SGCZ: variants seen among roughly 807,000 people sequenced by gnomAD.
SGCZ encodes the protein zeta-sarcoglycan.
SGCZ carries 40 observed loss-of-function variants against 41.3 expected under a neutral mutation model. The ratio of observed to expected loss-of-function variants is 0.97; its 90% CI spans 0.75 to 1.26. SGCZ has a LOEUF of 1.26. Ranked by LOEUF, SGCZ falls within the 50% of genes most tolerant of loss-of-function variation. SGCZ has a pLI of 0.00. For synonymous variants in SGCZ, 206 were observed against 137.5 expected, an observed-to-expected ratio of 1.50 and a Z score of -3.49; for missense variants, 552 against 369.8, an observed-to-expected ratio of 1.49 and a Z score of -4.04.
chr8:14,322,823 G>C (rs1801970999), intron 3 of SGCZ, among the ~76,000 whole-genome samples: 1 of 152,162 alleles, frequency 6.6e-6, no homozygotes, highest in Middle Eastern at 3.4e-3. Context: ...CAAACACAAG[G>C]ACTCAGTAAA....
At chr8:14,576,424 A>G (rs987092456) in intron 1 of SGCZ, among the ~76,000 whole-genome samples, 1 of 152,258 alleles carries the variant, frequency 6.6e-6, no homozygotes, top group Non-Finnish European at 1.5e-5. Context: ...AAGAGGAGCC[A>G]TATAGTATAA....
At chr8:14,401,221 A>G (rs1007051066) in intron 2 of SGCZ, among the ~76,000 whole-genome samples, 2 of 152,174 alleles carry the variant, frequency 1.3e-5, no homozygotes, top group African/African-American at 4.8e-5. Context: ...AATAAAACAC[A>G]TAGGTCATAA....
At chr8:14,191,041 G>C (rs1805086187) in intron 4 of SGCZ, among the ~76,000 whole-genome samples, 1 of 152,092 alleles carries the variant, frequency 6.6e-6, no homozygotes, top group Non-Finnish European at 1.5e-5. Context: ...TAGCCATCCT[G>C]ACAGGTATGA....
At chr8:14,786,953 C>T (rs556678997) in intron 1 of SGCZ, among the ~76,000 whole-genome samples, 1 of 151,908 alleles carries the variant, frequency 6.6e-6, no homozygotes, top group African/African-American at 2.4e-5. Context: ...AATAGATGTA[C>T]CTGGATACCT....
chr8:14,697,420 T>G (rs143299904), intron 1 of SGCZ, among the ~76,000 whole-genome samples: 1 of 152,098 alleles, frequency 6.6e-6, no homozygotes, highest in African/African-American at 2.4e-5. Flanking sequence ...TCTAATATAC[T>G]GCTTATCTTT....
At chr8:14,791,575 C>A (rs1241033698) in intron 1 of SGCZ, among the ~76,000 whole-genome samples, 5 of 152,172 alleles carry the variant, frequency 3.3e-5, no homozygotes, top group African/African-American at 1.2e-4. Context: ...TCATCAGTCA[C>A]CCACTCCCAA....
rs148272254 is a variant in SGCZ, at chr8:14,634,855, A to G, written c.40-79929T>C. ...CTGAAAACTGACATCTGTGAATATC[A>G]CATTTTTTGAGAGTTATGTATAGAG... On this transcript the variant is annotated intron_variant, in intron 1 of 7. Coordinates refer to ENST00000382080, the MANE Select transcript of SGCZ (RefSeq NM_139167.4). Among the ~76,000 whole-genome samples the G allele has an allele frequency of 8.8e-3, 1,338 of 152,014 alleles. 19 individuals are homozygous for G. The highest frequency in any genetic ancestry group is 0.031 in the African/African-American group (1,268 of 41,542).
At chr8:15,200,662 C>A (rs1800861846) in intron 1 of SGCZ, among the ~76,000 whole-genome samples, 1 of 152,114 alleles carries the variant, frequency 6.6e-6, no homozygotes, top group Non-Finnish European at 1.5e-5. Flanking sequence ...TTAGTGAGAG[C>A]CAGCCTGGGT....
chr8:14,174,797 G>C (rs1403534123), intron 4 of SGCZ, among the ~76,000 whole-genome samples: 2 of 151,980 alleles, frequency 1.3e-5, no homozygotes, highest in Non-Finnish European at 1.5e-5. Context: ...TCACAATTCT[G>C]GAGGCTAGAA....
intron 2 of SGCZ, among the ~76,000 whole-genome samples, chr8:14,354,661 G>C (rs1421517100): frequency 2.0e-5 from 3 of 151,590 alleles, no homozygotes; most frequent in African/African-American, 7.3e-5. Flanking sequence ...TATAGGCATT[G>C]TTGTTAAATA....
intron 4 of SGCZ, among the ~76,000 whole-genome samples, chr8:14,213,336 C>G (rs1247909317): frequency 1.3e-5 from 2 of 151,994 alleles, no homozygotes; most frequent in Non-Finnish European, 2.9e-5. Context: ...AGGGGAACAA[C>G]AATTTGTATG....
chr8:15,110,467 A>G (rs889060348), intron 1 of SGCZ, among the ~76,000 whole-genome samples: 4 of 152,232 alleles, frequency 2.6e-5, no homozygotes, highest in African/African-American at 9.6e-5. Flanking sequence ...GTTTCTAGCA[A>G]GATAGCCAGA....
At chr8:14,358,368 G>A (rs1803371019) in intron 2 of SGCZ, among the ~76,000 whole-genome samples, 1 of 152,050 alleles carries the variant, frequency 6.6e-6, no homozygotes, top group South Asian at 2.1e-4. Flanking sequence ...TACAACCTAT[G>A]TCATCATTAT....
chr8:14,644,506 A>C (rs147551676), intron 1 of SGCZ, among the ~76,000 whole-genome samples: 1 of 151,946 alleles, frequency 6.6e-6, no homozygotes, highest in East Asian at 1.9e-4. Flanking sequence ...CAATTTTTAA[A>C]AAATTTATCT....
chr8:14,246,637 G>A (rs1266373910), intron 3 of SGCZ, among the ~76,000 whole-genome samples: 1 of 151,586 alleles, frequency 6.6e-6, no homozygotes, highest in Non-Finnish European at 1.5e-5. Flanking sequence ...GCTGGGCATG[G>A]CGGCTGAAGC....
In SGCZ at chr8:14,517,619, C is replaced by A. The variant is rs185909620; in HGVS notation, c.234+37113G>T. 2.6e-5 allele frequency among the ~76,000 whole-genome samples: 4 copies of A among 152,010 alleles called. No individual in the cohort carries two copies. In the East Asian group the frequency reaches 5.8e-4, roughly 22 times the overall value. ...TTTTTATAGAGTTTAGAAATTATTA[C>A]AAAATATAGAAATTAACTGCTCGTT... On this transcript the variant is annotated intron_variant, in intron 2 of 7. Coordinates refer to ENST00000382080, the MANE Select transcript of SGCZ (RefSeq NM_139167.4).
chr8:14,566,679 G>C (rs536623359), intron 1 of SGCZ, among the ~76,000 whole-genome samples: 2 of 152,336 alleles, frequency 1.3e-5, no homozygotes, highest in East Asian at 3.9e-4. Context: ...CACAGCCCTC[G>C]CTCGCTCTCG....
At chr8:14,721,989 T>C (rs1299081795) in intron 1 of SGCZ, among the ~76,000 whole-genome samples, 1 of 152,166 alleles carries the variant, frequency 6.6e-6, no homozygotes, top group African/African-American at 2.4e-5. Flanking sequence ...CTCTCAGGTG[T>C]TTCTATGATT....
At chr8:14,529,167 T>C (rs953079111) in intron 2 of SGCZ, among the ~76,000 whole-genome samples, 1 of 152,160 alleles carries the variant, frequency 6.6e-6, no homozygotes, top group Admixed American at 6.6e-5. Context: ...ATTCAACACA[T>C]ATAAAGTCAT....
Sources: gnomAD v4.1 joint callset for allele counts (sites outside exome capture counted in the v4.1 genomes callset) on GRCh38, gnomAD v4.1.1 for gene constraint, MANE v1.5 for transcripts, NCBI Gene and HGNC (gene_info 2026-07-23, HGNC 2026-07-21) for gene names.